The following ACOXL variants were observed in gnomAD, a reference collection of about 807,000 sequenced individuals.
ACOXL encodes the protein acyl-CoA oxidase like.
A neutral mutation model predicts 71.9 loss-of-function variants in ACOXL; 70 were observed. That is an observed-to-expected ratio of 0.97 (90% CI 0.80 to 1.19). The LOEUF (loss-of-function observed/expected upper bound fraction) is 1.19, where lower values mean the gene tolerates loss of function less well. Ranked by LOEUF, ACOXL falls within the 50% of genes most tolerant of loss-of-function variation. The probability of loss-of-function intolerance (pLI) is 0.00; values close to 1 mark genes in which losing one functional copy is unlikely to be tolerated. For synonymous variants in ACOXL, 253 were observed against 281.6 expected, an observed-to-expected ratio of 0.90 and a Z score of 1.02; for missense variants, 703 against 736.3, an observed-to-expected ratio of 0.95 and a Z score of 0.52.
intron 17 of ACOXL, among the ~76,000 whole-genome samples, chr2:111,108,599 G>A (rs1032644741): frequency 6.0e-4 from 91 of 152,142 alleles, no homozygotes; most frequent in African/African-American, 2.0e-3. Flanking sequence ...GGCTGGTCTC[G>A]TCCCGACCTC....
intron 10 of ACOXL, among the ~76,000 whole-genome samples, chr2:110,872,317 A>G (rs1342973564): frequency 2.0e-5 from 3 of 152,238 alleles, no homozygotes; most frequent in Non-Finnish European, 2.9e-5. Context: ...GAGGGGACAT[A>G]GAGGGCATCT....
chr2:111,013,886 TACATCATA>T (rs1222716794), intron 14 of ACOXL, among the ~76,000 whole-genome samples: 1 of 152,132 alleles, frequency 6.6e-6, no homozygotes, highest in Non-Finnish European at 1.5e-5. Context: ...CATAATAGAA[TACATCATA>T]ACAAAGTAGT....
chr2:110,773,533 G>A (rs965242275), intron 2 of ACOXL, among the ~76,000 whole-genome samples: 4 of 152,172 alleles, frequency 2.6e-5, no homozygotes, highest in African/African-American at 9.7e-5. Flanking sequence ...AGCGAGTGCT[G>A]CAGACTGTGA....
At chr2:110,841,261 A>G in intron 9 of ACOXL, 110 bp from the exon 10 acceptor site, 1 of 754,794 alleles carries the variant, frequency 1.3e-6, no homozygotes, top group South Asian at 1.7e-5. Flanking sequence ...GCTGTAGGGC[A>G]TTTTAGAAAA....
chr2:110,769,609 C>CGAAACATGGCCTGGGCAACATGGT (rs1559238221), intron 2 of ACOXL, among the ~76,000 whole-genome samples: 4 of 151,458 alleles, frequency 2.6e-5, no homozygotes, highest in Non-Finnish European at 4.4e-5. Context: ...CTCAACATGG[C>CGAAACATGGCCTGGGCAACATGGT]GAAACATGGC....
At chr2:111,008,415 C>T (rs776042644) in intron 14 of ACOXL, among the ~76,000 whole-genome samples, 3 of 152,058 alleles carry the variant, frequency 2.0e-5, no homozygotes, top group Non-Finnish European at 4.4e-5. Flanking sequence ...TAGTCTCTGG[C>T]TTATCCTTCC....
chr2:111,075,972 A>G (rs941068719), intron 16 of ACOXL, among the ~76,000 whole-genome samples: 3 of 151,746 alleles, frequency 2.0e-5, no homozygotes, highest in Admixed American at 6.6e-5. Context: ...TTAATTGTCA[A>G]AATTTGTCTT....
chr2:110,906,136 C>T (rs2059433054), intron 10 of ACOXL, among the ~76,000 whole-genome samples: 1 of 152,118 alleles, frequency 6.6e-6, no homozygotes, highest in Non-Finnish European at 1.5e-5. Flanking sequence ...TGCATTTCCT[C>T]ATTTGTGAAA....
intron 9 of ACOXL, among the ~76,000 whole-genome samples, chr2:110,840,840 T>G (rs1379488186): frequency 6.6e-6 from 1 of 152,226 alleles, no homozygotes; most frequent in African/African-American, 2.4e-5. Flanking sequence ...CGCCTTGAGC[T>G]TATGGGATCA....
intron 14 of ACOXL, among the ~76,000 whole-genome samples, chr2:110,998,357 A>G (rs2063485230): frequency 6.6e-6 from 1 of 152,218 alleles, no homozygotes; most frequent in Admixed American, 6.5e-5. Flanking sequence ...AGTGAAGATA[A>G]ACAAGTGGTC....
intron 16 of ACOXL, among the ~76,000 whole-genome samples, chr2:111,087,589 G>C (rs2068279147): frequency 6.6e-6 from 1 of 152,134 alleles, no homozygotes; most frequent in Non-Finnish European, 1.5e-5. Context: ...AATGGTGCTG[G>C]GATAACTGAC....
intron 5 of ACOXL, chr2:110,795,640 T>C (rs1321028854): frequency 6.6e-6 from 1 of 152,262 alleles, no homozygotes; most frequent in East Asian, 1.9e-4. Flanking sequence ...ACTCTGGCTA[T>C]GCAGTTAATG....
intron 10 of ACOXL, among the ~76,000 whole-genome samples, chr2:110,847,849 A>G (rs1312406777): frequency 6.6e-6 from 1 of 152,166 alleles, no homozygotes; most frequent in Non-Finnish European, 1.5e-5. Context: ...CTTTACAACA[A>G]AGTACAGACC....
chr2:110,847,353 T>C (rs2148909373), intron 10 of ACOXL, among the ~76,000 whole-genome samples: 1 of 152,298 alleles, frequency 6.6e-6, no homozygotes, highest in Non-Finnish European at 1.5e-5. Flanking sequence ...CTCTCACTTG[T>C]CTGATACTGG....
intron 10 of ACOXL, among the ~76,000 whole-genome samples, chr2:110,863,253 A>G (rs189527193): frequency 3.0e-4 from 46 of 152,332 alleles, no homozygotes; most frequent in African/African-American, 1.1e-3. Context: ...TTATATAACC[A>G]TGAAAGTATT....
chr2:111,021,419 A>G (rs980737240), intron 14 of ACOXL, among the ~76,000 whole-genome samples: 1 of 151,978 alleles, frequency 6.6e-6, no homozygotes, highest in African/African-American at 2.4e-5. Context: ...GTTGAGGGAG[A>G]TTTGTTTACC....
intron 12 of ACOXL, among the ~76,000 whole-genome samples, chr2:110,954,016 A>G (rs915115444): frequency 6.6e-6 from 1 of 152,224 alleles, no homozygotes; most frequent in Non-Finnish European, 1.5e-5. Flanking sequence ...TCTCTTTGTA[A>G]TTCTATCAAT....
At chr2:110,923,872 G>C (rs542625819) in intron 11 of ACOXL, among the ~76,000 whole-genome samples, 47 of 151,760 alleles carry the variant, frequency 3.1e-4, no homozygotes, top group African/African-American at 1.0e-3. Context: ...GGAGTCAGAG[G>C]TTGCAGTGAG....
At chr2:111,028,211 T>C (rs2065103402) in intron 14 of ACOXL, among the ~76,000 whole-genome samples, 1 of 151,734 alleles carries the variant, frequency 6.6e-6, no homozygotes, top group Non-Finnish European at 1.5e-5. Flanking sequence ...AATAAATAAA[T>C]ATTTCTTAAG....
Sources: gnomAD v4.1 joint callset for allele counts (sites outside exome capture counted in the v4.1 genomes callset) on GRCh38, gnomAD v4.1.1 for gene constraint, MANE v1.5 for transcripts, NCBI Gene and HGNC (gene_info 2026-07-23, HGNC 2026-07-21) for gene names.